FARS2: variants seen among roughly 807,000 people sequenced by gnomAD.
FARS2 encodes phenylalanyl-tRNA synthetase 2, mitochondrial.
In FARS2, 40 loss-of-function variants were observed where a neutral mutation model predicts 46.4. That is an observed-to-expected ratio of 0.86 (90% CI 0.67 to 1.12). The LOEUF (loss-of-function observed/expected upper bound fraction) is 1.12, where lower values mean the gene tolerates loss of function less well. FARS2 is among the 50% of genes most tolerant of loss of function. The pLI is 0.00. For missense variants in FARS2, 513 were observed against 567.9 expected, an observed-to-expected ratio of 0.90 and a Z score of 0.98; for synonymous variants, 234 against 214.9, an observed-to-expected ratio of 1.09 and a Z score of -0.78.
At chr6:5,652,740 G>A (rs1777428850) in intron 6 of FARS2, among the ~76,000 whole-genome samples, 1 of 152,238 alleles carries the variant, frequency 6.6e-6, no homozygotes, top group African/African-American at 2.4e-5. Context: ...ATGGCCAGAT[G>A]TGGGGCATAG....
intron 4 of FARS2, among the ~76,000 whole-genome samples, chr6:5,505,200 C>G (rs1768031043): frequency 6.6e-6 from 1 of 152,102 alleles, no homozygotes; most frequent in Admixed American, 6.5e-5. Context: ...AGGTTTAAAA[C>G]ATGGTAGAAT....
chr6:5,738,109 C>T (rs570352756), intron 6 of FARS2, among the ~76,000 whole-genome samples: 4 of 152,254 alleles, frequency 2.6e-5, no homozygotes, highest in African/African-American at 9.6e-5. Flanking sequence ...CACCACCACG[C>T]CCAGCTAATT....
chr6:5,396,692 G>A (rs1453107343), intron 2 of FARS2, among the ~76,000 whole-genome samples: 3 of 152,336 alleles, frequency 2.0e-5, no homozygotes, highest in Admixed American at 6.5e-5. Flanking sequence ...GGAACTGAGC[G>A]CCAGGAGCAG....
At chr6:5,600,284 T>G (rs372766856) in intron 5 of FARS2, among the ~76,000 whole-genome samples, 1 of 152,338 alleles carries the variant, frequency 6.6e-6, no homozygotes, top group East Asian at 1.9e-4. Flanking sequence ...ATGGGAAACA[T>G]TACAATTTAG....
chr6:5,325,744 GGAA>G (rs758985678), intron 1 of FARS2, among the ~76,000 whole-genome samples: 14 of 152,092 alleles, frequency 9.2e-5, no homozygotes, highest in Non-Finnish European at 1.9e-4. Flanking sequence ...AGTTTCATAA[GGAA>G]GCATGAAAGA....
rs527538336 is a variant in FARS2, at chr6:5,609,315, C to G, written c.1066-3854C>G. 196 of 1,118,710 alleles carry G rather than the reference C, an allele frequency of 1.8e-4. 2 individuals are homozygous for G. Among genetic ancestry groups the G allele is most frequent in the Admixed American group, 3.7e-4 (22 of 59,414 alleles). The allele number at this position is 1,118,710 out of a possible 1,614,324, so 69.3% of individuals were successfully genotyped here. On this transcript the variant is annotated intron_variant, in intron 5 of 6. Transcript: ENST00000274680. ...TCATGGTTTGGCAAAGTATTGGCCT[C>G]TACCACCATAGGGACCAGAGCTTCT... is the stretch of plus-strand genomic sequence containing the variant.
chr6:5,336,790 T>C (rs1054952190), intron 1 of FARS2, among the ~76,000 whole-genome samples: 37 of 152,184 alleles, frequency 2.4e-4, no homozygotes, highest in African/African-American at 8.7e-4. Flanking sequence ...TGCGTGTGTT[T>C]CCTCATGCAC....
intron 4 of FARS2, among the ~76,000 whole-genome samples, chr6:5,491,010 CA>C (rs1411559909): frequency 2.6e-4 from 39 of 152,330 alleles, no homozygotes; most frequent in African/African-American, 9.1e-4. Context: ...TTTTAAGCTT[CA>C]AAGTTTGGGG....
intron 4 of FARS2, among the ~76,000 whole-genome samples, chr6:5,475,490 T>C (rs1313077375): frequency 2.6e-5 from 4 of 152,210 alleles, no homozygotes; most frequent in Non-Finnish European, 4.4e-5. Context: ...AGACGTTGCA[T>C]GAAGCATGTG....
At chr6:5,571,183 A>G (rs1013278350) in intron 5 of FARS2, among the ~76,000 whole-genome samples, 1 of 152,208 alleles carries the variant, frequency 6.6e-6, no homozygotes, top group African/African-American at 2.4e-5. Context: ...AACGTTATTT[A>G]TTGACTAATT....
At chr6:5,724,055 C>T (rs879628347) in intron 6 of FARS2, among the ~76,000 whole-genome samples, 1 of 152,216 alleles carries the variant, frequency 6.6e-6, no homozygotes, top group Non-Finnish European at 1.5e-5. Flanking sequence ...GTGGGTTACA[C>T]GGGAGGCCGC....
At chr6:5,405,206 T>A (rs374416625) in intron 3 of FARS2, among the ~76,000 whole-genome samples, 164 of 152,296 alleles carry the variant, frequency 1.1e-3, no homozygotes, top group Middle Eastern at 6.8e-3. Flanking sequence ...TGAAGGTAAT[T>A]TGATATAATA....
chr6:5,736,799 T>G (rs917853042), intron 6 of FARS2, among the ~76,000 whole-genome samples: 1 of 152,116 alleles, frequency 6.6e-6, no homozygotes, highest in Non-Finnish European at 1.5e-5. Flanking sequence ...GAATACCCCT[T>G]TTTTAATCCA....
At chr6:5,563,606 C>T (rs1360426418) in intron 5 of FARS2, among the ~76,000 whole-genome samples, 11 of 152,036 alleles carry the variant, frequency 7.2e-5, no homozygotes, top group Non-Finnish European at 1.6e-4. Context: ...AAAGGGGTTT[C>T]GAATGGGGAA....
rs554157326 is a variant in FARS2, at chr6:5,686,347, C to A, written c.1217+73027C>A. Among the ~76,000 whole-genome samples the A allele has an allele frequency of 5.3e-5, 8 of 150,986 alleles. No homozygotes were observed. The South Asian group carries it at 8.3e-4, about 16-fold the overall frequency. ...AGGTATATCTCCTAATGCTCTCCCC[C>A]CCCGCTGCCCACACCACGCAACAGG... On this transcript the variant is annotated intron_variant, in intron 6 of 6. Coordinates refer to ENST00000274680, the MANE Select transcript of FARS2 (RefSeq NM_006567.5).
intron 4 of FARS2, among the ~76,000 whole-genome samples, chr6:5,501,059 A>T (rs1767771507): frequency 6.6e-6 from 1 of 152,092 alleles, no homozygotes; most frequent in African/African-American, 2.4e-5. Flanking sequence ...ATTCACCCAG[A>T]GAAAACTGGA....
intron 5 of FARS2, among the ~76,000 whole-genome samples, chr6:5,566,597 C>G (rs1772336601): frequency 6.6e-6 from 1 of 151,972 alleles, no homozygotes; most frequent in African/African-American, 2.4e-5. Context: ...TGGTAAGACA[C>G]AAAATGGAGA....
intron 1 of FARS2, among the ~76,000 whole-genome samples, chr6:5,350,697 T>C (rs1319701156): frequency 2.0e-5 from 3 of 152,212 alleles, no homozygotes; most frequent in African/African-American, 7.2e-5. Flanking sequence ...CATGTATATA[T>C]ATCAATACCA....
chr6:5,578,650 A>G (rs1773129960), intron 5 of FARS2, among the ~76,000 whole-genome samples: 2 of 151,938 alleles, frequency 1.3e-5, no homozygotes, highest in Admixed American at 1.3e-4. Flanking sequence ...TCCACTAAAA[A>G]TACAAAAAAT....
Sources: gnomAD v4.1 joint callset for allele counts (sites outside exome capture counted in the v4.1 genomes callset) on GRCh38, gnomAD v4.1.1 for gene constraint, MANE v1.5 for transcripts, NCBI Gene and HGNC (gene_info 2026-07-23, HGNC 2026-07-21) for gene names.